CNTNAP5: variants seen among roughly 807,000 people sequenced by gnomAD.
The protein encoded by CNTNAP5 is contactin associated protein family member 5.
A neutral mutation model predicts 150.2 loss-of-function variants in CNTNAP5; 72 were observed. The ratio of observed to expected loss-of-function variants is 0.48; its 90% CI spans 0.40 to 0.58. The LOEUF (loss-of-function observed/expected upper bound fraction) is 0.58. Ranked by LOEUF, CNTNAP5 falls within the 20% of genes least tolerant of loss-of-function variation. The pLI is 0.00. For synonymous variants in CNTNAP5, 672 were observed against 619.8 expected, an observed-to-expected ratio of 1.08 and a Z score of -1.25; for missense variants, 1,636 against 1,626.2, an observed-to-expected ratio of 1.01 and a Z score of -0.10.
At chr2:124,533,764 GAAT>G (rs1695166173) in intron 10 of CNTNAP5, among the ~76,000 whole-genome samples, 1 of 152,138 alleles carries the variant, frequency 6.6e-6, no homozygotes, top group African/African-American at 2.4e-5. Flanking sequence ...AAGCCTTCAT[GAAT>G]AACAAGGAAA....
At chr2:124,589,526 AT>A (rs1696631887) in intron 11 of CNTNAP5, among the ~76,000 whole-genome samples, 1 of 152,132 alleles carries the variant, frequency 6.6e-6, no homozygotes, top group African/African-American at 2.4e-5. Context: ...TTTCTCTTAA[AT>A]ATATACCTGC....
At chr2:124,314,471 C>T (rs945675094) in intron 3 of CNTNAP5, among the ~76,000 whole-genome samples, 1 of 152,142 alleles carries the variant, frequency 6.6e-6, no homozygotes, top group Admixed American at 6.5e-5. Context: ...GCTGAGGGGA[C>T]ACATTGAGGC....
At chr2:124,640,212 C>T (rs558323593) in intron 12 of CNTNAP5, among the ~76,000 whole-genome samples, 1 of 152,256 alleles carries the variant, frequency 6.6e-6, no homozygotes, top group South Asian at 2.1e-4. Context: ...GACCATAAAA[C>T]AAATTTCCCA....
At chr2:124,350,437 A>G (rs1198812146) in intron 3 of CNTNAP5, among the ~76,000 whole-genome samples, 1 of 150,080 alleles carries the variant, frequency 6.7e-6, no homozygotes, top group Non-Finnish European at 1.5e-5. Flanking sequence ...GTGTAAATGC[A>G]GATGGTTTGT....
chr2:124,536,437 C>T (rs1020583480), intron 10 of CNTNAP5, among the ~76,000 whole-genome samples: 16 of 151,790 alleles, frequency 1.1e-4, no homozygotes, highest in South Asian at 2.1e-4. Context: ...GGTTGGGGGC[C>T]GGGGCATCTG....
At chr2:124,364,261 G>C (rs1690304774) in intron 3 of CNTNAP5, among the ~76,000 whole-genome samples, 1 of 152,004 alleles carries the variant, frequency 6.6e-6, no homozygotes, top group Non-Finnish European at 1.5e-5. Context: ...CCTAATTCTG[G>C]ATGGCTCCAG....
intron 10 of CNTNAP5, among the ~76,000 whole-genome samples, chr2:124,536,012 A>G (rs1239289272): frequency 6.6e-6 from 1 of 152,142 alleles, no homozygotes; most frequent in Admixed American, 6.5e-5. Flanking sequence ...GCGGTAATAC[A>G]TATGTTTTAG....
intron 9 of CNTNAP5, among the ~76,000 whole-genome samples, chr2:124,526,343 C>CA (rs5834074): frequency 0.022 from 3,323 of 152,284 alleles, 105 homozygotes; most frequent in African/African-American, 0.076. Context: ...GAAGTTGTAG[C>CA]ATCTCTCTTC....
intron 5 of CNTNAP5, among the ~76,000 whole-genome samples, chr2:124,443,281 A>G (rs1305809142): frequency 1.3e-5 from 2 of 149,250 alleles, no homozygotes; most frequent in East Asian, 3.9e-4. Context: ...TATATACATC[A>G]TATGTTATAT....
intron 3 of CNTNAP5, among the ~76,000 whole-genome samples, chr2:124,415,428 A>C (rs991238946): frequency 4.6e-5 from 7 of 152,230 alleles, no homozygotes; most frequent in African/African-American, 1.4e-4. Flanking sequence ...GCGTAGTAGA[A>C]ATGTCAAAGA....
intron 1 of CNTNAP5, among the ~76,000 whole-genome samples, chr2:124,110,347 A>AT (rs1434540627): frequency 6.6e-6 from 1 of 152,182 alleles, no homozygotes; most frequent in Non-Finnish European, 1.5e-5. Context: ...GGACTCATAT[A>AT]ATCGATGAAT....
At chr2:124,760,591 C>T (rs2105161053) in intron 14 of CNTNAP5, among the ~76,000 whole-genome samples, 1 of 152,158 alleles carries the variant, frequency 6.6e-6, no homozygotes, top group East Asian at 1.9e-4. Flanking sequence ...TTTCTTGCCA[C>T]ATGCGTTTTA....
chr2:124,607,417 G>A (rs1677268821), intron 11 of CNTNAP5, among the ~76,000 whole-genome samples: 2 of 152,094 alleles, frequency 1.3e-5, no homozygotes, highest in Admixed American at 1.3e-4. Flanking sequence ...GAGTGACCTA[G>A]AACACCCAAG....
chr2:124,386,363 C>A (rs1171458852), intron 3 of CNTNAP5, among the ~76,000 whole-genome samples: 1 of 152,142 alleles, frequency 6.6e-6, no homozygotes, highest in African/African-American at 2.4e-5. Context: ...TTATAAGTAA[C>A]CTTGGCAATA....
Position 124,278,269 on chromosome 2 carries a change from A to G in CNTNAP5, c.381+35876A>G, listed in dbSNP as rs4602233. On this transcript the variant is annotated intron_variant, in intron 3 of 23. Coordinates refer to ENST00000682447, the MANE Select transcript of CNTNAP5 (RefSeq NM_001367498.1). ...TAAGCAGATTCTACTCATTTAATTAATTTCTACCAAAAGAATAACAAATTA... is the reference window on the plus strand; with the variant it reads ...TAAGCAGATTCTACTCATTTAATTAGTTTCTACCAAAAGAATAACAAATTA... Among the ~76,000 whole-genome samples the G allele has an allele frequency of 3.6e-3, 544 of 152,292 alleles. 3 individuals are homozygous for G. The highest frequency in any genetic ancestry group is 0.013 in the African/African-American group (528 of 41,560).
intron 3 of CNTNAP5, among the ~76,000 whole-genome samples, chr2:124,358,321 C>T (rs1400768626): frequency 1.3e-5 from 2 of 152,034 alleles, no homozygotes; most frequent in Non-Finnish European, 2.9e-5. Flanking sequence ...ATTGCCCTGG[C>T]CAGAACTTCC....
chr2:124,099,988 A>G lies in CNTNAP5; in HGVS notation c.82+74256A>G, dbSNP rs140823217. 1.5e-3 allele frequency among the ~76,000 whole-genome samples: 228 copies of G among 152,306 alleles called. 2 individuals carry two copies. Among genetic ancestry groups the G allele is most frequent in the African/African-American group, 5.2e-3 (218 of 41,560 alleles). On this transcript the variant is annotated intron_variant, in intron 1 of 23. Transcript: ENST00000682447. ...AGATTAGGTGGGGACATAGATCCAA[A>G]CCATATCACTGTATTAGGTCATTTT...
In CNTNAP5 at chr2:124,057,282, A is replaced by ATTTTT. The variant is rs560714964; in HGVS notation, c.82+31563_82+31567dup. Reference sequence around the variant, plus strand: ...CTACATCGAATAAATTAACAAGTCCATTTTTTTTTTTTTTTTTGAGGTGGA... The same window carrying ATTTTT: ...CTACATCGAATAAATTAACAAGTCCATTTTTTTTTTTTTTTTTTTTTTGAGGTGGA... On this transcript the variant is annotated intron_variant, in intron 1 of 23. Transcript: ENST00000682447. Among the ~76,000 whole-genome samples, 2 of 125,726 alleles carry ATTTTT rather than the reference A, an allele frequency of 1.6e-5. 1 individual carries two copies. The highest frequency in any genetic ancestry group is 4.6e-4 in the East Asian group (2 of 4,350). The allele number at this position is 125,726 out of a possible 152,430, so 82.5% of individuals were successfully genotyped here.
chr2:124,066,211 G>A (rs1682149175), intron 1 of CNTNAP5, among the ~76,000 whole-genome samples: 2 of 152,128 alleles, frequency 1.3e-5, no homozygotes, highest in Non-Finnish European at 2.9e-5. Flanking sequence ...CCCACATCTT[G>A]AAAAGCATTA....
Sources: gnomAD v4.1 joint callset for allele counts (sites outside exome capture counted in the v4.1 genomes callset) on GRCh38, gnomAD v4.1.1 for gene constraint, MANE v1.5 for transcripts, NCBI Gene and HGNC (gene_info 2026-07-23, HGNC 2026-07-21) for gene names.